SEMA5A: variants seen among roughly 807,000 people sequenced by gnomAD.
SEMA5A encodes the protein semaphorin 5A, also known as semaphorin-5A.
SEMA5A carries 55 observed loss-of-function variants against 135.5 expected under a neutral mutation model. The ratio of observed to expected loss-of-function variants is 0.41; its 90% CI spans 0.33 to 0.51. The LOEUF is 0.51. Among genes scored for constraint, SEMA5A ranks in the 20% least tolerant of loss-of-function variants. The probability of loss-of-function intolerance (pLI) is 0.37; values close to 1 mark genes in which losing one functional copy is unlikely to be tolerated. For synonymous variants in SEMA5A, 580 were observed against 546.5 expected (o/e 1.06, Z -0.85); for missense variants, 1,290 against 1,419.9 (o/e 0.91, Z 1.47).
At chr5:9,077,640 G>A (rs193121024) in intron 16 of SEMA5A, among the ~76,000 whole-genome samples, 48 of 152,220 alleles carry the variant, frequency 3.2e-4, no homozygotes, top group Non-Finnish European at 6.6e-4. Flanking sequence ...TTGCAAGGCG[G>A]TCTCCCAAGC....
At chr5:9,434,694 T>C (rs1004351590) in intron 2 of SEMA5A, among the ~76,000 whole-genome samples, 1 of 152,142 alleles carries the variant, frequency 6.6e-6, no homozygotes, top group African/African-American at 2.4e-5. Flanking sequence ...GAATCAAGGA[T>C]AGTTTTCCAT....
At chr5:9,363,180 A>C (rs182571474) in intron 3 of SEMA5A, 1 of 152,334 alleles carries the variant, frequency 6.6e-6, no homozygotes, top group East Asian at 1.9e-4. Flanking sequence ...CTCAGACTAT[A>C]AAAGGCATAA....
chr5:9,513,789 C>A (rs1047345245), intron 1 of SEMA5A, among the ~76,000 whole-genome samples: 5 of 152,162 alleles, frequency 3.3e-5, no homozygotes, highest in African/African-American at 1.2e-4. Flanking sequence ...TAGCTTCATA[C>A]AGGCTCATTA....
At chr5:9,350,704 T>C (rs982864297) in intron 3 of SEMA5A, among the ~76,000 whole-genome samples, 1 of 152,244 alleles carries the variant, frequency 6.6e-6, no homozygotes, top group Non-Finnish European at 1.5e-5. Context: ...TTTTGCCAAA[T>C]GTCATTTCTG....
In SEMA5A at chr5:9,223,777, C is replaced by T. The variant is rs528418017; in HGVS notation, c.646+897G>A. Reference sequence around the variant, plus strand: ...TGTGTATGTGCGTGTGTGTGTGAGACCACACTCACACATGAATGCACAGAT... The same window carrying T: ...TGTGTATGTGCGTGTGTGTGTGAGATCACACTCACACATGAATGCACAGAT... On this transcript the variant is annotated intron_variant, in intron 8 of 22. Coordinates refer to ENST00000382496, the MANE Select transcript of SEMA5A (RefSeq NM_003966.3). 2.6e-5 allele frequency among the ~76,000 whole-genome samples: 4 copies of T among 152,192 alleles called. No individual in the cohort carries two copies. In the South Asian group the frequency reaches 8.3e-4, roughly 32 times the overall value.
intron 4 of SEMA5A, among the ~76,000 whole-genome samples, chr5:9,327,661 T>A (rs1752940010): frequency 6.6e-6 from 1 of 152,196 alleles, no homozygotes; most frequent in African/African-American, 2.4e-5. Flanking sequence ...CTTAGAGATA[T>A]AAAATCAGGA....
chr5:9,197,728 TTGTGTGTGTG>T (rs70943946), intron 9 of SEMA5A, among the ~76,000 whole-genome samples: 1,605 of 59,206 alleles, frequency 0.027, 23 homozygotes, highest in African/African-American at 0.086. Context: ...GGAAAGCTGT[TTGTGTGTGTG>T]TGTGTGTGTG....
At chr5:9,097,836 AGAGCCCAGCCTT>A (rs893340722) in intron 16 of SEMA5A, among the ~76,000 whole-genome samples, 7 of 152,258 alleles carry the variant, frequency 4.6e-5, no homozygotes, top group Admixed American at 1.3e-4. Flanking sequence ...AATGAATACA[AGAGCCCAGCCTT>A]GATGCTACAA....
intron 12 of SEMA5A, among the ~76,000 whole-genome samples, chr5:9,139,499 G>T (rs1226594373): frequency 6.6e-6 from 1 of 152,130 alleles, no homozygotes; most frequent in South Asian, 2.1e-4. Flanking sequence ...TCTTTCAGTT[G>T]TGTCTTAGGT....
At position 9,413,602 on chromosome 5, in the gene SEMA5A, C is replaced by T. The variant is rs570989108; in HGVS notation, c.-78+24154G>A. Among the ~76,000 whole-genome samples the T allele has an allele frequency of 5.9e-5, 9 of 152,106 alleles. No homozygotes were observed. In the East Asian group the frequency reaches 1.5e-3, roughly 26 times the overall value. On this transcript the variant is annotated intron_variant, in intron 2 of 22. Coordinates refer to ENST00000382496, the MANE Select transcript of SEMA5A (RefSeq NM_003966.3). The stretch of plus-strand genomic sequence containing the variant: ...TAAGGCCTGCTGGGGGCTAAAAGGG[C>T]GTAGAAGAAGACAGATTTAGAAGAG...
intron 12 of SEMA5A, among the ~76,000 whole-genome samples, chr5:9,149,733 G>A (rs1742529658): frequency 6.6e-6 from 1 of 152,174 alleles, no homozygotes; most frequent in Non-Finnish European, 1.5e-5. Flanking sequence ...GCCTTGAAGA[G>A]GTACAATCAG....
chr5:9,054,212 G>A lies in SEMA5A; in HGVS notation c.2564C>T (p.Ala855Val), dbSNP rs1332618265. The A allele has an allele frequency of 1.2e-6, 2 of 1,614,022 alleles. No homozygotes were observed. Among genetic ancestry groups the A allele is most frequent in the Non-Finnish European group, 1.7e-6 (2 of 1,179,972 alleles). ...CATATAGTGTCCACCGCCGCATGTTGCTGAACATTTTGTCCAGGGGGACCA... is the reference window on the plus strand; with the variant it reads ...CATATAGTGTCCACCGCCGCATGTTACTGAACATTTTGTCCAGGGGGACCA... ...SCWSPWTKCS[A>V]TCGGGHYMRT... The change falls in exon 19 of 23, where the codon GCA becomes GTA. Residue 855 changes from alanine to valine, a missense_variant. This residue lies in a region of SEMA5A where 1,029 missense variants were observed against 1,086.6 expected (regional missense o/e 0.95). Coordinates refer to ENST00000382496, the MANE Select transcript of SEMA5A (RefSeq NM_003966.3).
At chr5:9,207,880 G>C (rs996863069) in intron 8 of SEMA5A, among the ~76,000 whole-genome samples, 2 of 45,860 alleles carry the variant, frequency 4.4e-5, no homozygotes, top group African/African-American at 7.2e-5. Context: ...TAGATAGATA[G>C]ATAGATAGAT....
chr5:9,330,389 CAA>C (rs10564647), intron 4 of SEMA5A, among the ~76,000 whole-genome samples: 33,615 of 106,720 alleles, frequency 0.31, 5,390 homozygotes, highest in African/African-American at 0.51. Context: ...GACTCTGTCT[CAA>C]AAAAAAAAAA....
chr5:9,057,820 G>A (rs771977474), intron 18 of SEMA5A, among the ~76,000 whole-genome samples: 2 of 152,182 alleles, frequency 1.3e-5, no homozygotes, highest in African/African-American at 4.8e-5. Context: ...ATTCTAATGC[G>A]GTGCTTGCTT....
chr5:9,052,927 G>T (rs1019841352), intron 19 of SEMA5A, among the ~76,000 whole-genome samples: 1 of 152,126 alleles, frequency 6.6e-6, no homozygotes, highest in East Asian at 1.9e-4. Context: ...GTAGTGGCAG[G>T]GAAAATTTGA....
In SEMA5A at chr5:9,415,393, G is replaced by A. The variant is rs73034775; in HGVS notation, c.-78+22363C>T. 8.4e-3 allele frequency among the ~76,000 whole-genome samples: 1,272 copies of A among 152,206 alleles called. 19 individuals carry two copies. The highest frequency in any genetic ancestry group is 0.029 in the African/African-American group (1,213 of 41,528). ...ACATGTAAGATGTGTTGGGGCCTTG[G>A]GGACGTAAAATGATAGCACGAGGAG... On this transcript the variant is annotated intron_variant, in intron 2 of 22. Transcript: ENST00000382496.
chr5:9,121,178 G>T (rs2150182496), intron 14 of SEMA5A, among the ~76,000 whole-genome samples: 1 of 152,292 alleles, frequency 6.6e-6, no homozygotes, highest in Middle Eastern at 3.4e-3. Context: ...AATAGGAAAA[G>T]AATATCTGAG....
At chr5:9,045,027 T>G (rs1435872218) in intron 21 of SEMA5A, among the ~76,000 whole-genome samples, 3 of 152,118 alleles carry the variant, frequency 2.0e-5, no homozygotes, top group Non-Finnish European at 2.9e-5. Flanking sequence ...TCAGATGATC[T>G]GCCAGCCTCA....
Sources: gnomAD v4.1 joint callset for allele counts (sites outside exome capture counted in the v4.1 genomes callset) on GRCh38, gnomAD v4.1.1 for gene constraint, gnomAD v4.1.1 regional missense constraint, MANE v1.5 for transcripts, NCBI Gene and HGNC (gene_info 2026-07-23, HGNC 2026-07-21) for gene names.